Variants in CELF4 observed in about 807,000 individuals in gnomAD.
CELF4 encodes CUG-BP- and ETR-3-like factor 4.
Under a neutral mutation model 59.9 loss-of-function variants are expected in CELF4, and 18 were observed. That is an observed-to-expected ratio of 0.30 (90% confidence interval 0.21 to 0.45). The LOEUF is 0.45. Ranked by LOEUF, CELF4 falls within the 20% of genes least tolerant of loss-of-function variation. CELF4 has a pLI of 1.00. For synonymous variants in CELF4, 261 were observed against 267.1 expected (o/e 0.98, Z 0.22); for missense variants, 456 against 689.0 (o/e 0.66, Z 3.79).
At chr18:37,475,809 G>A (rs2099847253) in intron 2 of CELF4, among the ~76,000 whole-genome samples, 1 of 152,152 alleles carries the variant, frequency 6.6e-6, no homozygotes, top group Non-Finnish European at 1.5e-5. Context: ...ATTCCAGGAG[G>A]AAAATTCACA....
At chr18:37,475,658 C>A (rs1372944897) in intron 2 of CELF4, among the ~76,000 whole-genome samples, 1 of 152,176 alleles carries the variant, frequency 6.6e-6, no homozygotes, top group Non-Finnish European at 1.5e-5. Flanking sequence ...CCATGCCCAG[C>A]ACCTGCAGGA....
At position 37,337,762 on chromosome 18, in the gene CELF4, C is replaced by T. The variant is rs1194495724; in HGVS notation, c.370-15881G>A. ...AGAAGCATGCTCATGCTCAAGTTTA[C>T]CAGAAGGAAAAGTCACTCTACCTAC... On this transcript the variant is annotated intron_variant, in intron 2 of 12. Transcript: ENST00000420428. Among the ~76,000 whole-genome samples, 4 of 152,308 alleles carry T rather than the reference C, an allele frequency of 2.6e-5. No individual in the cohort carries two copies. In the East Asian group the frequency reaches 5.8e-4, roughly 22 times the overall value.
intron 1 of CELF4, among the ~76,000 whole-genome samples, chr18:37,508,786 G>T (rs989406860): frequency 6.6e-6 from 1 of 152,224 alleles, no homozygotes; most frequent in Admixed American, 6.5e-5. Flanking sequence ...AAGCAGGAGG[G>T]GTGGTGGAAG....
intron 3 of CELF4, among the ~76,000 whole-genome samples, chr18:37,282,865 C>A (rs1265007045): frequency 6.6e-6 from 1 of 152,198 alleles, no homozygotes; most frequent in Admixed American, 6.5e-5. Context: ...GAGAGCTACA[C>A]ACTCCCCTTC....
At chr18:37,437,329 CA>C (rs1251702271) in intron 2 of CELF4, among the ~76,000 whole-genome samples, 2 of 152,234 alleles carry the variant, frequency 1.3e-5, no homozygotes, top group Admixed American at 1.3e-4. Flanking sequence ...GATGGGCAAG[CA>C]CACTGGTGCC....
intron 1 of CELF4, among the ~76,000 whole-genome samples, chr18:37,561,118 C>A (rs920893851): frequency 2.6e-5 from 4 of 152,188 alleles, no homozygotes; most frequent in African/African-American, 7.2e-5. Flanking sequence ...TGTCCCCACA[C>A]TTCTGGATGT....
intron 3 of CELF4, among the ~76,000 whole-genome samples, chr18:37,281,050 T>C (rs1416691360): frequency 6.6e-6 from 1 of 152,160 alleles, no homozygotes; most frequent in Non-Finnish European, 1.5e-5. Context: ...GTATTCAGGG[T>C]ATCAGGGAAG....
chr18:37,311,850 G>A (rs1473076943), intron 3 of CELF4, among the ~76,000 whole-genome samples: 2 of 135,088 alleles, frequency 1.5e-5, no homozygotes, highest in Non-Finnish European at 3.2e-5. Flanking sequence ...GGTGGCTTAT[G>A]CCTATAATCC....
chr18:37,297,845 C>T lies in CELF4; in HGVS notation c.449-22602G>A, dbSNP rs1047848386. On this transcript the variant is annotated intron_variant, in intron 3 of 12. Transcript: ENST00000420428. ...TCGTTGTAATCTCTGTGAGATTCATCGGTGGGGCCTGGGCCATGCAAAGGC... is the reference window on the plus strand; with the variant it reads ...TCGTTGTAATCTCTGTGAGATTCATTGGTGGGGCCTGGGCCATGCAAAGGC... Among the ~76,000 whole-genome samples, 9 of 152,232 alleles carry T rather than the reference C, an allele frequency of 5.9e-5. No individual in the cohort carries two copies. The East Asian group carries it at 1.3e-3, about 23-fold the overall frequency.
intron 2 of CELF4, among the ~76,000 whole-genome samples, chr18:37,462,543 A>C (rs1200396156): frequency 2.0e-5 from 3 of 152,192 alleles, no homozygotes; most frequent in Non-Finnish European, 1.5e-5. Flanking sequence ...TGGAGTCAAC[A>C]GTGGGGTTGT....
At chr18:37,445,626 G>A (rs1450688320) in intron 2 of CELF4, among the ~76,000 whole-genome samples, 1 of 152,138 alleles carries the variant, frequency 6.6e-6, no homozygotes, top group African/African-American at 2.4e-5. Flanking sequence ...TGCCCGCAAG[G>A]ATGGGGTGGC....
intron 1 of CELF4, among the ~76,000 whole-genome samples, chr18:37,502,816 C>T (rs545149922): frequency 4.5e-4 from 68 of 152,340 alleles, no homozygotes; most frequent in African/African-American, 1.5e-3. Context: ...CATCTCACCT[C>T]GTCCAGGCAG....
At position 37,274,075 on chromosome 18, in the gene CELF4, C is replaced by G. The variant is rs139374843; in HGVS notation, c.801+236G>C. 5.0e-5 allele frequency: 68 copies of G among 1,360,742 alleles called. No homozygotes were observed. The African/African-American group carries it at 9.7e-4, about 19-fold the overall frequency. The allele number at this position is 1,360,742 out of a possible 1,614,324, so 84.3% of individuals were successfully genotyped here. On this transcript the variant is annotated intron_variant, in intron 6 of 12. Coordinates refer to ENST00000420428, the MANE Select transcript of CELF4 (RefSeq NM_020180.4). ...TCTGTGGGGCCTCTCTCAGCTCTGC[C>G]CCTTAGAACTAAGACAGCAGCCCAC...
At position 37,254,958 on chromosome 18, in the gene CELF4, C is replaced by T. The variant is rs765299104; in HGVS notation, c.1334-1020G>A. Among the ~76,000 whole-genome samples the T allele has an allele frequency of 3.3e-5, 5 of 152,220 alleles. No individual in the cohort carries two copies. Among genetic ancestry groups the T allele is most frequent in the Non-Finnish European group, 5.9e-5 (4 of 68,042 alleles). On this transcript the variant is annotated intron_variant, in intron 11 of 12. Transcript: ENST00000420428. This position sits in a 1 kb window ranked among gnomAD's most constrained non-coding sequence, Gnocchi z 5.1. ...TGTGGTCAGGAGGTTTAGAGCCAGGCCCACTGGGCCAGTGCAGCATATCAA... is the reference window on the plus strand; with the variant it reads ...TGTGGTCAGGAGGTTTAGAGCCAGGTCCACTGGGCCAGTGCAGCATATCAA...
intron 2 of CELF4, among the ~76,000 whole-genome samples, chr18:37,474,246 C>A (rs902244371): frequency 6.6e-6 from 1 of 152,200 alleles, no homozygotes; most frequent in African/African-American, 2.4e-5. Flanking sequence ...TAAATGGCTT[C>A]CCAAGGGCAC....
intron 2 of CELF4, among the ~76,000 whole-genome samples, chr18:37,421,242 G>A (rs898081836): frequency 1.3e-5 from 2 of 152,204 alleles, no homozygotes; most frequent in Non-Finnish European, 2.9e-5. Context: ...GATTGAACAC[G>A]AAGCATGTTA....
At chr18:37,290,870 C>CCT (rs2095290036) in intron 3 of CELF4, among the ~76,000 whole-genome samples, 1 of 152,180 alleles carries the variant, frequency 6.6e-6, no homozygotes, top group South Asian at 2.1e-4. Context: ...TTTTCAGCCT[C>CCT]CTCTACAACA....
intron 3 of CELF4, among the ~76,000 whole-genome samples, chr18:37,308,287 T>C (rs1278155284): frequency 6.6e-6 from 1 of 150,902 alleles, no homozygotes; most frequent in Non-Finnish European, 1.5e-5. Context: ...CTCCTTTGCC[T>C]GGCGTTCCCT....
At chr18:37,444,652 A>ACACACACACACACACACACGCG (rs71168259) in intron 2 of CELF4, among the ~76,000 whole-genome samples, 3 of 144,080 alleles carry the variant, frequency 2.1e-5, no homozygotes, top group Admixed American at 6.9e-5. Flanking sequence ...ACACACACAC[A>ACACACACACACACACACACGCG]CGCGAACGAT....
Sources: gnomAD v4.1 joint callset for allele counts (sites outside exome capture counted in the v4.1 genomes callset) on GRCh38, gnomAD v4.1.1 for gene constraint, Gnocchi (gnomAD v3.1) non-coding constraint, MANE v1.5 for transcripts, NCBI Gene and HGNC (gene_info 2026-07-23, HGNC 2026-07-21) for gene names.